PKIA: variants seen among roughly 807,000 people sequenced by gnomAD.
PKIA encodes the protein PKI-alpha.
PKIA carries 4 observed loss-of-function variants against 7.6 expected under a neutral mutation model. The ratio of observed to expected loss-of-function variants is 0.52; its 90% CI spans 0.26 to 1.20. PKIA has a LOEUF of 1.20. Among genes scored for constraint, PKIA ranks in the 50% most tolerant of loss-of-function variants. The pLI, the probability that PKIA is intolerant of heterozygous loss-of-function variation, is 0.13. For missense variants in PKIA, 73 were observed against 86.2 expected (o/e 0.85, Z 0.61); for synonymous variants, 21 against 30.7 (o/e 0.68, Z 1.04).
intron 1 of PKIA, among the ~76,000 whole-genome samples, chr8:78,560,001 T>C (rs1807245631): frequency 6.6e-6 from 1 of 152,246 alleles, no homozygotes; most frequent in Non-Finnish European, 1.5e-5. Flanking sequence ...TTTATAATTA[T>C]ATATATGCTA....
chr8:78,584,032 T>C (rs946722590), intron 2 of PKIA, among the ~76,000 whole-genome samples: 1 of 152,162 alleles, frequency 6.6e-6, no homozygotes, highest in Non-Finnish European at 1.5e-5. Flanking sequence ...CTATAAGACT[T>C]TTAAAAATAT....
At chr8:78,532,393 T>A (rs1450223114) in intron 1 of PKIA, among the ~76,000 whole-genome samples, 1 of 151,870 alleles carries the variant, frequency 6.6e-6, no homozygotes, top group East Asian at 1.9e-4. Flanking sequence ...TCACCCCTGC[T>A]CATTTCTATC....
rs71304770 is a variant in PKIA at position 78,590,283 on chromosome 8, T to TAA, written c.-27-8063_-27-8062dup. ...TTCCAGATGACCAATGTCTGATAGT[T>TAA]AAAAAAAAAAAAAGAAAAAGAAAAA... On this transcript the variant is annotated intron_variant, in intron 2 of 3. Coordinates refer to ENST00000396418, the MANE Select transcript of PKIA (RefSeq NM_006823.4). Among the ~76,000 whole-genome samples, 82 of 136,976 alleles carry TAA rather than the reference T, an allele frequency of 6.0e-4. 1 individual carries two copies. The highest frequency in any genetic ancestry group is 3.6e-3 in the Middle Eastern group (1 of 276). The allele number at this position is 136,976 out of a possible 152,430, so 89.9% of individuals were successfully genotyped here.
intron 1 of PKIA, among the ~76,000 whole-genome samples, chr8:78,529,992 T>A (rs1806354547): frequency 6.6e-6 from 1 of 152,040 alleles, no homozygotes; most frequent in African/African-American, 2.4e-5. Context: ...GCTGAGAGTG[T>A]GGTTGAAATG....
chr8:78,544,821 C>A (rs1030541761), intron 1 of PKIA, among the ~76,000 whole-genome samples: 2 of 152,008 alleles, frequency 1.3e-5, no homozygotes, highest in Admixed American at 6.6e-5. Context: ...CAAATTATAA[C>A]CCCGTCTTCA....
chr8:78,594,073 AATC>A (rs146718901), intron 2 of PKIA, among the ~76,000 whole-genome samples: 3,665 of 152,300 alleles, frequency 0.024, 63 homozygotes, highest in Non-Finnish European at 0.038. Context: ...AAAATGCAGT[AATC>A]TATTGAGAAG....
At chr8:78,566,978 T>C (rs1368876193) in intron 1 of PKIA, among the ~76,000 whole-genome samples, 1 of 152,174 alleles carries the variant, frequency 6.6e-6, no homozygotes, top group East Asian at 1.9e-4. Context: ...TTATTTAGTT[T>C]TTTTCTTCAA....
At chr8:78,531,009 T>C (rs1806374618) in intron 1 of PKIA, among the ~76,000 whole-genome samples, 2 of 152,068 alleles carry the variant, frequency 1.3e-5, no homozygotes, top group South Asian at 2.1e-4. Flanking sequence ...TGACACCTAC[T>C]AAGTACCCTT....
intron 1 of PKIA, among the ~76,000 whole-genome samples, chr8:78,547,229 C>T (rs1806846852): frequency 2.0e-5 from 3 of 152,106 alleles, no homozygotes; most frequent in Admixed American, 2.0e-4. Context: ...CTGCCTCAGC[C>T]TCCCAAGTAG....
At chr8:78,577,025 T>G (rs1585913961) in intron 2 of PKIA, among the ~76,000 whole-genome samples, 1 of 152,024 alleles carries the variant, frequency 6.6e-6, no homozygotes, top group African/African-American at 2.4e-5. Context: ...GATAATGTCT[T>G]TTGTAGGAAC....
At chr8:78,554,764 T>A (rs1807083366) in intron 1 of PKIA, among the ~76,000 whole-genome samples, 1 of 152,104 alleles carries the variant, frequency 6.6e-6, no homozygotes, top group Non-Finnish European at 1.5e-5. Context: ...TTTTAGATTA[T>A]GCAATACATA....
chr8:78,553,030 T>C (rs1289574319), intron 1 of PKIA, among the ~76,000 whole-genome samples: 1 of 151,860 alleles, frequency 6.6e-6, no homozygotes, highest in Non-Finnish European at 1.5e-5. Context: ...ACTTTTATTT[T>C]TTAAATTTGA....
At chr8:78,570,276 T>C (rs942829905) in intron 1 of PKIA, among the ~76,000 whole-genome samples, 3 of 152,022 alleles carry the variant, frequency 2.0e-5, no homozygotes, top group Non-Finnish European at 2.9e-5. Context: ...AGGAAAAAAG[T>C]CTGAAAAGCA....
chr8:78,598,657 CT>C lies in PKIA; in HGVS notation c.151+123del, dbSNP rs575724461. The C allele has an allele frequency of 2.9e-5, 21 of 728,576 alleles. No individual in the cohort carries two copies. In the African/African-American group the frequency reaches 3.4e-4, roughly 12 times the overall value. The allele number at this position is 728,576 out of a possible 1,614,324, so 45.1% of individuals were successfully genotyped here. On this transcript the variant is annotated intron_variant, in intron 3 of 3. Coordinates refer to ENST00000396418, the MANE Select transcript of PKIA (RefSeq NM_006823.4). Reference sequence around the variant, plus strand: ...TCTAATGTAAAGAGTTTTAAACAATCTAAGGCAAGATGAAAGTCTGAGACTA... The same window carrying C: ...TCTAATGTAAAGAGTTTTAAACAATCAAGGCAAGATGAAAGTCTGAGACTA...
chr8:78,587,525 G>T (rs917858485), intron 2 of PKIA, among the ~76,000 whole-genome samples: 1 of 152,140 alleles, frequency 6.6e-6, no homozygotes, highest in Non-Finnish European at 1.5e-5. Flanking sequence ...CTCAGCAGGG[G>T]TATTGCAAAG....
intron 1 of PKIA, among the ~76,000 whole-genome samples, chr8:78,540,733 A>G (rs1268055238): frequency 1.3e-5 from 2 of 151,330 alleles, no homozygotes; most frequent in African/African-American, 2.4e-5. Context: ...GACATTCTGT[A>G]TGTGTTCATA....
chr8:78,547,477 T>C (rs961820406), intron 1 of PKIA, among the ~76,000 whole-genome samples: 1 of 152,114 alleles, frequency 6.6e-6, no homozygotes. Flanking sequence ...CATTGAAAAA[T>C]ATATGACTTC....
At chr8:78,599,889 G>A (rs1808314070) in intron 3 of PKIA, among the ~76,000 whole-genome samples, 1 of 150,826 alleles carries the variant, frequency 6.6e-6, no homozygotes, top group Non-Finnish European at 1.5e-5. Flanking sequence ...CTGAAGTTGA[G>A]AATTGTTAGC....
At chr8:78,579,122 A>G (rs1014704846) in intron 2 of PKIA, among the ~76,000 whole-genome samples, 1 of 151,836 alleles carries the variant, frequency 6.6e-6, no homozygotes, top group African/African-American at 2.4e-5. Flanking sequence ...TCTAACTTTA[A>G]AATCTGTCCT....
Sources: gnomAD v4.1 joint callset for allele counts (sites outside exome capture counted in the v4.1 genomes callset) on GRCh38, gnomAD v4.1.1 for gene constraint, MANE v1.5 for transcripts, NCBI Gene and HGNC (gene_info 2026-07-23, HGNC 2026-07-21) for gene names.